MACROD2: variants seen among roughly 807,000 people sequenced by gnomAD.
The protein encoded by MACROD2 is mono-ADP ribosylhydrolase 2, also known as ADP-ribose glycohydrolase MACROD2.
In MACROD2, 36 loss-of-function variants were observed where a neutral mutation model predicts 70.4. The ratio of observed to expected loss-of-function variants is 0.51; its 90% CI spans 0.39 to 0.68. The LOEUF (loss-of-function observed/expected upper bound fraction) is 0.68. MACROD2 is among the 30% of genes least tolerant of loss of function. The probability of loss-of-function intolerance (pLI) is 0.00; values close to 1 mark genes in which losing one functional copy is unlikely to be tolerated. For synonymous variants in MACROD2, 172 were observed against 178.8 expected (o/e 0.96, Z 0.30); for missense variants, 496 against 538.4 (o/e 0.92, Z 0.78).
At chr20:14,438,961 T>C (rs2122951877) in intron 3 of MACROD2, among the ~76,000 whole-genome samples, 1 of 152,320 alleles carries the variant, frequency 6.6e-6, no homozygotes, top group East Asian at 1.9e-4. Context: ...TTTGGCATAA[T>C]ACACAAGAAA....
intron 4 of MACROD2, among the ~76,000 whole-genome samples, chr20:14,579,464 C>A (rs1190278009): frequency 6.6e-6 from 1 of 152,188 alleles, no homozygotes; most frequent in Non-Finnish European, 1.5e-5. Context: ...TCTTAATACA[C>A]ACTCTTTGAC....
intron 7 of MACROD2, among the ~76,000 whole-genome samples, chr20:15,467,193 G>A (rs912267987): frequency 4.6e-5 from 7 of 152,208 alleles, no homozygotes; most frequent in African/African-American, 1.4e-4. Context: ...CTAGATCCAC[G>A]AGTGATGGGA....
intron 3 of MACROD2, among the ~76,000 whole-genome samples, chr20:14,161,754 T>C (rs547514450): frequency 6.6e-6 from 1 of 151,980 alleles, no homozygotes; most frequent in South Asian, 2.1e-4. Context: ...CCGTTATTTA[T>C]AGTCTTTGTT....
chr20:14,309,759 A>T (rs1384770382), intron 3 of MACROD2, among the ~76,000 whole-genome samples: 1 of 152,200 alleles, frequency 6.6e-6, no homozygotes, highest in Non-Finnish European at 1.5e-5. Context: ...TATACAAATA[A>T]ACAAAAAAAT....
intron 3 of MACROD2, among the ~76,000 whole-genome samples, chr20:14,431,036 G>A (rs1007389652): frequency 1.3e-5 from 2 of 152,086 alleles, no homozygotes; most frequent in East Asian, 3.9e-4. Flanking sequence ...CTTCTCTGAG[G>A]CACTGGTATT....
intron 8 of MACROD2, among the ~76,000 whole-genome samples, chr20:15,628,647 G>C (rs2193028): frequency 0.21 from 31,351 of 152,144 alleles, 3,841 homozygotes; most frequent in African/African-American, 0.34. Flanking sequence ...TATTATACAA[G>C]ACATGGACAA....
At chr20:15,221,138 T>G (rs1470366932) in intron 5 of MACROD2, among the ~76,000 whole-genome samples, 1 of 152,186 alleles carries the variant, frequency 6.6e-6, no homozygotes, top group Non-Finnish European at 1.5e-5. Flanking sequence ...GTATAGAGTC[T>G]TTAAAGCCGA....
intron 5 of MACROD2, among the ~76,000 whole-genome samples, chr20:15,191,085 T>C (rs960499686): frequency 6.6e-6 from 1 of 152,200 alleles, no homozygotes; most frequent in African/African-American, 2.4e-5. Context: ...ATATAGTTTA[T>C]TTGGGAAGTG....
intron 4 of MACROD2, among the ~76,000 whole-genome samples, chr20:14,508,660 G>T (rs2084995979): frequency 6.6e-6 from 1 of 152,106 alleles, no homozygotes; most frequent in Non-Finnish European, 1.5e-5. Flanking sequence ...GAACAACGTG[G>T]ACAAAAATCC....
intron 5 of MACROD2, among the ~76,000 whole-genome samples, chr20:15,021,301 CACATAT>C (rs1195823832): frequency 1.5e-5 from 2 of 137,442 alleles, no homozygotes; most frequent in African/African-American, 5.3e-5. Context: ...TGTGTATATG[CACATAT>C]ACATATACAT....
chr20:14,665,448 G>T (rs2070726842), intron 4 of MACROD2, among the ~76,000 whole-genome samples: 2 of 151,884 alleles, frequency 1.3e-5, no homozygotes, highest in East Asian at 3.9e-4. Flanking sequence ...ACATTTTAAA[G>T]CATTCTTTAG....
intron 12 of MACROD2, among the ~76,000 whole-genome samples, chr20:15,959,708 A>G (rs775421064): frequency 6.6e-6 from 1 of 151,806 alleles, no homozygotes; most frequent in East Asian, 1.9e-4. Context: ...GTTTTTTTAT[A>G]TTTTTAGTAG....
At chr20:14,661,970 G>A (rs1986248867) in intron 4 of MACROD2, among the ~76,000 whole-genome samples, 3 of 152,134 alleles carry the variant, frequency 2.0e-5, no homozygotes, top group East Asian at 1.9e-4. Context: ...TGTGAGAAAC[G>A]GTTATTGCAA....
intron 8 of MACROD2, among the ~76,000 whole-genome samples, chr20:15,659,900 C>T (rs2049794531): frequency 6.6e-6 from 1 of 152,134 alleles, no homozygotes; most frequent in South Asian, 2.1e-4. Flanking sequence ...GTTATAGGCT[C>T]TTACTGCAAC....
chr20:14,496,610 G>T (rs2084855895), intron 4 of MACROD2, among the ~76,000 whole-genome samples: 1 of 152,072 alleles, frequency 6.6e-6, no homozygotes, highest in South Asian at 2.1e-4. Context: ...TATTGCCACT[G>T]ACTGCAGTTC....
intron 8 of MACROD2, among the ~76,000 whole-genome samples, chr20:15,664,042 A>C (rs2049861783): frequency 6.6e-6 from 1 of 152,256 alleles, no homozygotes; most frequent in Non-Finnish European, 1.5e-5. Context: ...TCAGTTGGTC[A>C]GTCTCTCTGT....
chr20:15,523,638 A>G (rs914616249), intron 8 of MACROD2, among the ~76,000 whole-genome samples: 1 of 152,214 alleles, frequency 6.6e-6, no homozygotes, highest in East Asian at 1.9e-4. Flanking sequence ...TGAGTCACCA[A>G]TAACTGGTTT....
chr20:15,958,340 A>C (rs6110848), intron 12 of MACROD2, among the ~76,000 whole-genome samples: 15,802 of 152,150 alleles, frequency 0.1, 1,005 homozygotes, highest in East Asian at 0.26. Flanking sequence ...CTTGCCCCAC[A>C]GCTGTGGACA....
At chr20:14,337,435 A>G (rs1417127641) in intron 3 of MACROD2, 1 of 393,164 alleles carries the variant, frequency 2.5e-6, no homozygotes, top group Non-Finnish European at 4.5e-6. Flanking sequence ...TCCTATATAC[A>G]CTGCCGCTAT....
Sources: allele counts gnomAD v4.1 joint callset (sites outside exome capture counted in the v4.1 genomes callset), GRCh38; gene constraint gnomAD v4.1.1; transcripts MANE v1.5; gene names NCBI Gene and HGNC (gene_info 2026-07-23, HGNC 2026-07-21).